Variants in TRPS1 observed in about 807,000 individuals in gnomAD.
TRPS1 encodes the protein transcriptional repressor GATA binding 1, also known as zinc finger transcription factor Trps1.
Under a neutral mutation model 101.2 loss-of-function variants are expected in TRPS1, and 6 were observed. The observed-to-expected ratio is 0.06, with a 90% CI of 0.03 to 0.12. TRPS1 has a LOEUF of 0.12. Among genes scored for constraint, TRPS1 ranks in the 10% least tolerant of loss-of-function variants. TRPS1 has a pLI of 1.00. For missense variants in TRPS1, 1,363 were observed against 1,567.0 expected (o/e 0.87, Z 2.20); for synonymous variants, 578 against 589.8 (o/e 0.98, Z 0.29).
At chr8:115,642,849 A>AAT (rs1554602864) in intron 1 of TRPS1, among the ~76,000 whole-genome samples, 17 of 146,036 alleles carry the variant, frequency 1.2e-4, no homozygotes, top group Middle Eastern at 3.3e-3. Flanking sequence ...CGTGAAAAAA[A>AAT]ATATATATAT....
intron 5 of TRPS1, among the ~76,000 whole-genome samples, chr8:115,428,640 T>C (rs1004147618): frequency 6.6e-6 from 1 of 152,154 alleles, no homozygotes. Context: ...ACACCAAATA[T>C]GCAATTTGGA....
intron 5 of TRPS1, among the ~76,000 whole-genome samples, chr8:115,485,507 C>A (rs1020311586): frequency 6.6e-6 from 1 of 152,210 alleles, no homozygotes; most frequent in South Asian, 2.1e-4. Context: ...TTGTTACACA[C>A]AGCAATAGAA....
intron 5 of TRPS1, among the ~76,000 whole-genome samples, chr8:115,522,557 G>GT (rs1815892242): frequency 6.6e-6 from 1 of 152,072 alleles, no homozygotes; most frequent in African/African-American, 2.4e-5. Flanking sequence ...TACAAGTTGT[G>GT]TAAGAGGTGA....
At position 115,414,024 on chromosome 8, in the gene TRPS1, T is replaced by C. The variant is rs898351945; in HGVS notation, c.3884A>G (p.Ter1295=). 1.9e-6 allele frequency: 3 copies of C among 1,613,444 alleles called. No homozygotes were observed. The highest frequency in any genetic ancestry group is 1.1e-5 in the South Asian group (1 of 91,026). ...TTAATTGTGCTAAGTGCTAAGGTTT[T>C]ACTCTTTAGGTTTTCCATTTTTTTC... is the stretch of plus-strand genomic sequence containing the variant. ...QVEKNGKPKE[*] is the part of the protein sequence containing the mutation. The change falls in exon 7 of 7, where the codon TAA becomes TGA. Residue 1295 remains the stop codon, a stop_retained_variant. Transcript: ENST00000395715. The surrounding 1 kb of genome is among the most constrained non-coding windows in gnomAD (Gnocchi z 4.8).
chr8:115,590,157 A>G (rs767978666), intron 4 of TRPS1, among the ~76,000 whole-genome samples: 13 of 152,112 alleles, frequency 8.5e-5, no homozygotes, highest in Admixed American at 2.6e-4. Flanking sequence ...ACCCACACAC[A>G]TTCTAGTTTA....
chr8:115,604,258 T>G lies in TRPS1; in HGVS notation c.1711A>C (p.Lys571Gln), dbSNP rs1410844172. Reference protein sequence around the residue: ...RHYQQLHNIHKCTIKHCPFCP... With the variant: ...RHYQQLHNIHQCTIKHCPFCP... ...AATGGACAGTGTTTAATGGTACACT[T>G]GTGAATGTTATGGAGCTGTTGATAA... The change falls in exon 4 of 7, where the codon AAG becomes CAG. Residue 571 changes from lysine (K) to glutamine (Q), a missense_variant. Physicochemically the swap from Lys to Gln is moderately conservative, Grantham distance 53. This residue lies in a region of TRPS1 where 1,020 missense variants were observed against 1,073.0 expected (regional missense o/e 0.95). Transcript: ENST00000395715. This position sits in a 1 kb window ranked among gnomAD's most constrained non-coding sequence, Gnocchi z 4.1. The G allele has an allele frequency of 5.0e-6, 8 of 1,614,078 alleles. No individual in the cohort carries two copies. Among genetic ancestry groups the G allele is most frequent in the Non-Finnish European group, 6.8e-6 (8 of 1,180,000 alleles).
At chr8:115,446,035 G>C (rs1015858051) in intron 5 of TRPS1, among the ~76,000 whole-genome samples, 3 of 151,796 alleles carry the variant, frequency 2.0e-5, no homozygotes, top group Non-Finnish European at 4.4e-5. Flanking sequence ...TTTTAAGTCT[G>C]AGTTTGGATA....
chr8:115,461,037 G>A (rs1412723183), intron 5 of TRPS1, among the ~76,000 whole-genome samples: 1 of 152,102 alleles, frequency 6.6e-6, no homozygotes, highest in Non-Finnish European at 1.5e-5. Flanking sequence ...AGGTTTCACA[G>A]TCTCACAAAC....
At chr8:115,468,613 G>C (rs1004080297) in intron 5 of TRPS1, among the ~76,000 whole-genome samples, 2 of 152,194 alleles carry the variant, frequency 1.3e-5, no homozygotes, top group African/African-American at 4.8e-5. Flanking sequence ...TTTGAAAAAA[G>C]TTTTATACTC....
chr8:115,439,267 G>T (rs2129870430), intron 5 of TRPS1, among the ~76,000 whole-genome samples: 1 of 152,260 alleles, frequency 6.6e-6, no homozygotes, highest in East Asian at 1.9e-4. Context: ...GATGCTAAAA[G>T]GATAACAGTT....
At chr8:115,502,126 A>G (rs1306651759) in intron 5 of TRPS1, among the ~76,000 whole-genome samples, 1 of 152,170 alleles carries the variant, frequency 6.6e-6, no homozygotes, top group Non-Finnish European at 1.5e-5. Context: ...GATTACAGGC[A>G]CAACCTTGAT....
Position 115,563,143 on chromosome 8 carries a change from A to G in TRPS1, c.2700+23858T>C, listed in dbSNP as rs558587340. ...TGACTGTATAATTTCTAAAAAAGAA[A>G]AAACGTCCCACCCAACAAACATGCA... On this transcript the variant is annotated intron_variant, in intron 5 of 6. Transcript: ENST00000395715. 1.4e-4 allele frequency among the ~76,000 whole-genome samples: 21 copies of G among 152,208 alleles called. No individual in the cohort carries two copies. The South Asian group carries it at 4.4e-3, about 32-fold the overall frequency.
At chr8:115,648,683 CTTA>C (rs924848607) in intron 1 of TRPS1, among the ~76,000 whole-genome samples, 24 of 118,196 alleles carry the variant, frequency 2.0e-4, no homozygotes, top group Admixed American at 6.8e-4. Context: ...GAAAATGTCC[CTTA>C]TTATTATTAT....
rs568994039 is a variant in TRPS1, at chr8:115,441,765, A to G, written c.2701-23313T>C. Among the ~76,000 whole-genome samples the G allele has an allele frequency of 2.6e-5, 4 of 152,274 alleles. No individual in the cohort carries two copies. The South Asian group carries it at 8.3e-4, about 32-fold the overall frequency. On this transcript the variant is annotated intron_variant, in intron 5 of 6. Transcript: ENST00000395715. ...AAACTATTTATTTTATGAGGTAACT[A>G]TTTTAGAATCCACTGGGAAAATAAT...
rs545055964 is a variant in TRPS1, at chr8:115,662,261, C to T, written c.-122+6284G>A. Among the ~76,000 whole-genome samples, 9 of 151,932 alleles carry T rather than the reference C, an allele frequency of 5.9e-5. No homozygotes were observed. In the East Asian group the frequency reaches 1.7e-3, roughly 29 times the overall value. ...GAATGCTTTTTATAGTCATAAATGC[C>T]TTAAAGACTGTACTCTTCCTTGTGT... On this transcript the variant is annotated intron_variant, in intron 1 of 6. Coordinates refer to ENST00000395715, the MANE Select transcript of TRPS1 (RefSeq NM_014112.5).
chr8:115,529,933 T>G (rs1177815896), intron 5 of TRPS1, among the ~76,000 whole-genome samples: 4 of 152,038 alleles, frequency 2.6e-5, no homozygotes, highest in African/African-American at 7.2e-5. Flanking sequence ...GTATAGGAGA[T>G]CTTTACAAAA....
At chr8:115,459,419 G>A (rs1324801467) in intron 5 of TRPS1, among the ~76,000 whole-genome samples, 2 of 152,042 alleles carry the variant, frequency 1.3e-5, no homozygotes, top group South Asian at 2.1e-4. Context: ...TACATTTTCT[G>A]AAGTTCCAAT....
rs539171777 is a variant in TRPS1, at chr8:115,657,428, T to C, written c.-122+11117A>G. On this transcript the variant is annotated intron_variant, in intron 1 of 6. Coordinates refer to ENST00000395715, the MANE Select transcript of TRPS1 (RefSeq NM_014112.5). The stretch of plus-strand genomic sequence containing the variant: ...TATTGAACTACACTAGCTCAACTCA[T>C]AAATACGTTAAGAAGCCTGTGACTG... 1.3e-4 allele frequency among the ~76,000 whole-genome samples: 20 copies of C among 152,220 alleles called. No individual in the cohort carries two copies. The South Asian group carries it at 4.1e-3, about 32-fold the overall frequency.
intron 2 of TRPS1, among the ~76,000 whole-genome samples, chr8:115,622,215 T>C (rs1477503555): frequency 2.6e-5 from 4 of 152,104 alleles, no homozygotes; most frequent in Non-Finnish European, 5.9e-5. Flanking sequence ...ACTGGTAAAC[T>C]ATTTTTTTTT....
Sources: allele counts gnomAD v4.1 joint callset (sites outside exome capture counted in the v4.1 genomes callset), GRCh38; gene constraint gnomAD v4.1.1; regional missense constraint gnomAD v4.1.1; non-coding constraint Gnocchi (gnomAD v3.1); transcripts MANE v1.5; gene names NCBI Gene and HGNC (gene_info 2026-07-23, HGNC 2026-07-21).